LONP2: variants seen among roughly 807,000 people sequenced by gnomAD.
The protein encoded by LONP2 is lon protease homolog 2, peroxisomal.
LONP2 carries 60 observed loss-of-function variants against 85.6 expected under a neutral mutation model. That is an observed-to-expected ratio of 0.70 (90% CI 0.57 to 0.87). The LOEUF is 0.87. LONP2 is among the 40% of genes least tolerant of loss of function. The pLI is 0.00. For missense variants in LONP2, 860 were observed against 1,063.5 expected (o/e 0.81, Z 2.66); for synonymous variants, 395 against 389.7 (o/e 1.01, Z -0.16).
intron 11 of LONP2, among the ~76,000 whole-genome samples, chr16:48,327,065 C>T (rs1451789791): frequency 6.6e-6 from 1 of 152,254 alleles, no homozygotes; most frequent in East Asian, 1.9e-4. Context: ...GCATTTCACT[C>T]TCACTTGGCT....
At position 48,362,397 on chromosome 16, in the gene LONP2, G is replaced by C. The variant is rs1021410728; in HGVS notation, c.*534G>C. The C allele has an allele frequency of 6.8e-6, 11 of 1,614,134 alleles. No homozygotes were observed. The highest frequency in any genetic ancestry group is 1.7e-5 in the Admixed American group (1 of 60,030). The stretch of plus-strand genomic sequence containing the variant: ...GGATGGTGGACACTTCGAGGTACCG[G>C]TAGGTAATGCTGTAGCAGTCTGACG... On this transcript the variant is annotated 3_prime_UTR_variant, in exon 5 of 5. Transcript: ENST00000565867. The surrounding 1 kb of genome is among the most constrained non-coding windows in gnomAD (Gnocchi z 4.2).
chr16:48,272,170 T>C (rs2032075444), intron 7 of LONP2, among the ~76,000 whole-genome samples: 4 of 152,246 alleles, frequency 2.6e-5, no homozygotes, highest in Admixed American at 2.6e-4. Flanking sequence ...AAATTAGCTT[T>C]AACCATTATT....
chr16:48,252,276 T>C lies in LONP2; in HGVS notation c.379T>C (p.Leu127=). 1.2e-6 allele frequency: 2 copies of C among 1,614,126 alleles called. No individual in the cohort carries two copies. The highest frequency in any genetic ancestry group is 1.7e-6 in the Non-Finnish European group (2 of 1,179,994). Residue 127 remains leucine, a synonymous_variant, in exon 2 of 15, where the codon TTG becomes CTG. Transcript: ENST00000285737. ...ATATCCCATTGCTGAAGTGGAGCAGTTGGACCGACTTGAGGAGTTTCCCAA... is the reference window on the plus strand; with the variant it reads ...ATATCCCATTGCTGAAGTGGAGCAGCTGGACCGACTTGAGGAGTTTCCCAA... The part of the protein sequence containing the change: ...KPYPIAEVEQ[L]DRLEEFPNTC...
chr16:48,253,147 T>TA (rs1971689410), intron 2 of LONP2, among the ~76,000 whole-genome samples: 1 of 152,122 alleles, frequency 6.6e-6, no homozygotes, highest in South Asian at 2.1e-4. Context: ...GAGCCATACT[T>TA]ACAGTGTAAT....
intron 6 of LONP2, among the ~76,000 whole-genome samples, chr16:48,263,553 G>T (rs888504888): frequency 3.9e-5 from 6 of 152,190 alleles, no homozygotes; most frequent in Non-Finnish European, 8.8e-5. Context: ...TTTTTAAGGT[G>T]CATAATATTC....
In LONP2 at chr16:48,356,720, C is replaced by A; in HGVS notation, c.*4918C>A. ...ACAACAGGCAAATATGGTGAGTGGT[C>A]ATTGAGATGTTTTAAAAGTTACAGC... On this transcript the variant is annotated 3_prime_UTR_variant, in exon 15 of 15. Transcript: ENST00000285737. The A allele has an allele frequency of 2.9e-6, 1 of 342,718 alleles. No individual in the cohort carries two copies. Among genetic ancestry groups the A allele is most frequent in the Non-Finnish European group, 5.9e-6 (1 of 169,826 alleles). The allele number at this position is 342,718 out of a possible 1,614,324, so 21.2% of individuals were successfully genotyped here.
intron 11 of LONP2, among the ~76,000 whole-genome samples, chr16:48,325,975 G>T (rs1220376403): frequency 1.3e-5 from 2 of 152,224 alleles, no homozygotes; most frequent in Non-Finnish European, 2.9e-5. Flanking sequence ...AGAGTCAGTA[G>T]TCCTAATACT....
rs11076563 is a variant in LONP2, at chr16:48,290,904, C to T, written c.1384-5111C>T. On this transcript the variant is annotated intron_variant, in intron 8 of 14. Coordinates refer to ENST00000285737, the MANE Select transcript of LONP2 (RefSeq NM_031490.5). ...GCCCTCTAATCATGCCTTGGTCTTTCCTGTGACCAGCCCACATCCTGAAGC... is the reference window on the plus strand; with the variant it reads ...GCCCTCTAATCATGCCTTGGTCTTTTCTGTGACCAGCCCACATCCTGAAGC... 4.5e-4 allele frequency among the ~76,000 whole-genome samples: 68 copies of T among 152,302 alleles called. 2 individuals carry two copies. The East Asian group carries it at 0.012, about 28-fold the overall frequency.
At chr16:48,310,714 G>T (rs1408460582) in intron 11 of LONP2, among the ~76,000 whole-genome samples, 1 of 152,044 alleles carries the variant, frequency 6.6e-6, no homozygotes, top group African/African-American at 2.4e-5. Flanking sequence ...GTTCTGTCAT[G>T]TTGCCCTTTT....
rs1960306023 is a variant in LONP2 at position 48,355,445 on chromosome 16, G to A, written c.*3643G>A. On this transcript the variant is annotated 3_prime_UTR_variant, in exon 15 of 15. Transcript: ENST00000285737. The stretch of plus-strand genomic sequence containing the variant: ...ATAGATGATACCAGTCTGCCAGCAC[G>A]CTGATCGTGGGCTTCTCAGTCTTCA... 6.6e-6 allele frequency: 1 copy of A among 152,266 alleles called. No homozygotes were observed. The highest frequency in any genetic ancestry group is 1.9e-4 in the East Asian group (1 of 5,180). 9.4% of individuals were successfully genotyped at this position (152,266 alleles called of 1,614,324 possible).
chr16:48,309,507 A>G (rs988154297), intron 11 of LONP2, among the ~76,000 whole-genome samples: 7 of 152,222 alleles, frequency 4.6e-5, no homozygotes, highest in African/African-American at 1.2e-4. Flanking sequence ...AATAATGTGG[A>G]CATATGAACA....
intron 7 of LONP2, among the ~76,000 whole-genome samples, chr16:48,273,870 T>C (rs1972152924): frequency 6.6e-6 from 1 of 152,144 alleles, no homozygotes. Flanking sequence ...AATTATATTA[T>C]TGCAAGAAAT....
chr16:48,337,695 G>A (rs1959694041), intron 12 of LONP2, among the ~76,000 whole-genome samples: 1 of 152,224 alleles, frequency 6.6e-6, no homozygotes, highest in Non-Finnish European at 1.5e-5. Flanking sequence ...CAAGTGGCCA[G>A]TCTTATTTCT....
intron 8 of LONP2, among the ~76,000 whole-genome samples, chr16:48,278,207 CTT>C: frequency 6.6e-6 from 1 of 152,128 alleles, no homozygotes; most frequent in Admixed American, 6.5e-5. Flanking sequence ...TGTCTTGTTT[CTT>C]TTGTTTACTT....
At chr16:48,247,779 A>C (rs1213225841) in intron 1 of LONP2, among the ~76,000 whole-genome samples, 4 of 152,148 alleles carry the variant, frequency 2.6e-5, no homozygotes, top group African/African-American at 9.7e-5. Flanking sequence ...TTCCAAATTT[A>C]CACTTTTCAG....
At chr16:48,294,338 G>GT (rs1233369002) in intron 8 of LONP2, among the ~76,000 whole-genome samples, 2 of 152,154 alleles carry the variant, frequency 1.3e-5, no homozygotes, top group Non-Finnish European at 2.9e-5. Context: ...GAAAGTACTT[G>GT]TTTTTTAATG....
chr16:48,339,439 G>C (rs1376764563), intron 12 of LONP2, among the ~76,000 whole-genome samples: 1 of 152,214 alleles, frequency 6.6e-6, no homozygotes, highest in African/African-American at 2.4e-5. Context: ...GTATGTTGAA[G>C]AGAGAATGGG....
chr16:48,359,201 T>G (rs1960484361), downstream of LONP2, among the ~76,000 whole-genome samples: 1 of 152,140 alleles, frequency 6.6e-6, no homozygotes, highest in Non-Finnish European at 1.5e-5. Flanking sequence ...TGACCTTAAG[T>G]GATCCGCCCA....
rs1285348631 is a variant in LONP2, at chr16:48,355,066, G to T, written c.*3264G>T. 6.6e-6 allele frequency: 1 copy of T among 152,146 alleles called. No homozygotes were observed. The highest frequency in any genetic ancestry group is 1.5e-5 in the Non-Finnish European group (1 of 68,046). The allele number at this position is 152,146 out of a possible 1,614,324, so 9.4% of individuals were successfully genotyped here. A position where few individuals can be genotyped will look rare whatever the true frequency, so the allele number is the denominator to read the frequency against. On this transcript the variant is annotated 3_prime_UTR_variant, in exon 15 of 15. Coordinates refer to ENST00000285737, the MANE Select transcript of LONP2 (RefSeq NM_031490.5). Reference sequence around the variant, plus strand: ...TGGTTTATCCACTCATCTGCTGATTGTTTCCCCCTCTTGGGTATTATGAGT... The same window carrying T: ...TGGTTTATCCACTCATCTGCTGATTTTTTCCCCCTCTTGGGTATTATGAGT...
Sources: gnomAD v4.1 joint callset for allele counts (sites outside exome capture counted in the v4.1 genomes callset) on GRCh38, gnomAD v4.1.1 for gene constraint, Gnocchi (gnomAD v3.1) non-coding constraint, MANE v1.5 for transcripts, NCBI Gene and HGNC (gene_info 2026-07-23, HGNC 2026-07-21) for gene names.